DNAH9: variants seen among roughly 807,000 people sequenced by gnomAD.
The protein encoded by DNAH9 is dynein axonemal heavy chain 9.
Under a neutral mutation model 471.6 loss-of-function variants are expected in DNAH9, and 345 were observed. The observed-to-expected ratio is 0.73, with a 90% CI of 0.67 to 0.80. The LOEUF (loss-of-function observed/expected upper bound fraction) is 0.80. Ranked by LOEUF, DNAH9 falls within the 30% of genes least tolerant of loss-of-function variation. The pLI, the probability that DNAH9 is intolerant of heterozygous loss-of-function variation, is 0.00. For missense variants in DNAH9, 5,407 were observed against 5,609.2 expected, an observed-to-expected ratio of 0.96 and a Z score of 1.15; for synonymous variants, 2,093 against 2,123.6, an observed-to-expected ratio of 0.99 and a Z score of 0.40.
intron 48 of DNAH9, among the ~76,000 whole-genome samples, chr17:11,829,447 AACTT>A (rs1436642199): frequency 6.6e-6 from 1 of 152,108 alleles, no homozygotes; most frequent in Non-Finnish European, 1.5e-5. Context: ...AAAGTTCACA[AACTT>A]ATTTATTTAC....
chr17:11,611,128 A>T (rs140323153), intron 3 of DNAH9, among the ~76,000 whole-genome samples: 1 of 152,220 alleles, frequency 6.6e-6, no homozygotes, highest in East Asian at 1.9e-4. Context: ...CGTGCTGATA[A>T]ATCCTTTACT....
At chr17:11,810,437 A>T (rs1969853211) in intron 45 of DNAH9, 68 bp downstream of exon 45, 1 of 1,554,578 alleles carries the variant, frequency 6.4e-7, no homozygotes, top group Admixed American at 1.9e-5. Context: ...ACAAAGGTGA[A>T]GATTTCGTCC....
chr17:11,846,963 G>T (rs1859187757), intron 49 of DNAH9, among the ~76,000 whole-genome samples: 2 of 150,642 alleles, frequency 1.3e-5, no homozygotes, highest in African/African-American at 4.9e-5. Flanking sequence ...GGGACAATTT[G>T]ACTTCCTCTT....
intron 25 of DNAH9, 136 bp downstream of exon 25, chr17:11,704,578 C>A: frequency 4.0e-6 from 3 of 746,158 alleles, no homozygotes; most frequent in Non-Finnish European, 6.2e-6. Context: ...AGTGGCTGCT[C>A]CTACTTTTTT....
chr17:11,910,851 A>G (rs923207758), intron 61 of DNAH9, among the ~76,000 whole-genome samples: 1 of 152,172 alleles, frequency 6.6e-6, no homozygotes, highest in African/African-American at 2.4e-5. Flanking sequence ...TATTTGGAGA[A>G]ATGTCTATTC....
chr17:11,876,891 C>T (rs978332216), intron 53 of DNAH9, among the ~76,000 whole-genome samples: 1 of 151,456 alleles, frequency 6.6e-6, no homozygotes, highest in African/African-American at 2.4e-5. Context: ...ACCCGGCTAA[C>T]TTTTTTTTGT....
chr17:11,751,494 G>A (rs1342212637), intron 32 of DNAH9, among the ~76,000 whole-genome samples: 1 of 151,936 alleles, frequency 6.6e-6, no homozygotes, highest in African/African-American at 2.4e-5. Context: ...AACTAAAGGG[G>A]AAAATCATTT....
chr17:11,878,029 C>T (rs533534429), intron 53 of DNAH9, among the ~76,000 whole-genome samples: 37 of 152,238 alleles, frequency 2.4e-4, no homozygotes, highest in East Asian at 1.9e-3. Context: ...CCACCGCGCC[C>T]GGCCAATATG....
chr17:11,714,649 A>G (rs1414307591), intron 26 of DNAH9, among the ~76,000 whole-genome samples: 1 of 152,184 alleles, frequency 6.6e-6, no homozygotes, highest in African/African-American at 2.4e-5. Context: ...AAGGAAAATT[A>G]TTTAGGTAGA....
At chr17:11,958,270 G>T (rs918430056) in intron 67 of DNAH9, among the ~76,000 whole-genome samples, 1 of 152,184 alleles carries the variant, frequency 6.6e-6, no homozygotes, top group Non-Finnish European at 1.5e-5. Flanking sequence ...AGGATGGCAT[G>T]AGTAGGTCAA....
chr17:11,647,166 A>G lies in DNAH9; in HGVS notation c.2065A>G (p.Thr689Ala), dbSNP rs1487163916. 5.0e-6 allele frequency: 8 copies of G among 1,613,918 alleles called. No individual in the cohort carries two copies. Among genetic ancestry groups the G allele is most frequent in the Non-Finnish European group, 6.8e-6 (8 of 1,179,952 alleles). The stretch of plus-strand genomic sequence containing the variant: ...ACCACTTCTAAAACGTGACCCAGAG[A>G]CGAAGGAGATCACTATCAACTTTAA... ...SQPLLKRDPE[T>A]KEITINFNPQ... Residue 689 changes from threonine (T) to alanine (A), a missense_variant, in exon 12 of 69, where the codon ACG (threonine) becomes GCG (alanine). This residue lies in a region of DNAH9 where 4,636 missense variants were observed against 4,900.3 expected (regional missense o/e 0.95). Transcript: ENST00000262442.
chr17:11,751,607 C>G (rs1036447131), intron 32 of DNAH9, among the ~76,000 whole-genome samples: 1 of 151,764 alleles, frequency 6.6e-6, no homozygotes, highest in Admixed American at 6.6e-5. Context: ...TGCTCTGTAC[C>G]TAAAGCTGAA....
At chr17:11,856,716 A>G (rs996951971) in intron 50 of DNAH9, among the ~76,000 whole-genome samples, 3 of 151,936 alleles carry the variant, frequency 2.0e-5, no homozygotes, top group African/African-American at 7.3e-5. Context: ...AGAAAAAAAA[A>G]AAGAACTTTG....
At chr17:11,606,599 G>T (rs1489971511) in intron 1 of DNAH9, among the ~76,000 whole-genome samples, 1 of 135,968 alleles carries the variant, frequency 7.4e-6, no homozygotes, top group Non-Finnish European at 1.6e-5. Flanking sequence ...ACAGGCACGT[G>T]CCACCACACT....
intron 45 of DNAH9, among the ~76,000 whole-genome samples, chr17:11,819,868 A>G (rs1056130102): frequency 1.5e-4 from 23 of 152,220 alleles, no homozygotes; most frequent in African/African-American, 5.5e-4. Context: ...TAGATTTTCT[A>G]TGTAGAAAAT....
chr17:11,961,310 GT>G (rs751977505), intron 67 of DNAH9, among the ~76,000 whole-genome samples: 1 of 152,044 alleles, frequency 6.6e-6, no homozygotes, highest in Non-Finnish European at 1.5e-5. Flanking sequence ...GTGAGACTCC[GT>G]CTCCAAAAAT....
At chr17:11,822,088 A>G in intron 46 of DNAH9, 26 bp downstream of exon 46, 1 of 1,599,658 alleles carries the variant, frequency 6.3e-7, no homozygotes, top group East Asian at 2.2e-5. Context: ...TGACAGGGGC[A>G]GGCAGAGACC....
At chr17:11,803,470 T>C (rs1331661633) in intron 43 of DNAH9, among the ~76,000 whole-genome samples, 1 of 152,228 alleles carries the variant, frequency 6.6e-6, no homozygotes, top group African/African-American at 2.4e-5. Context: ...ATGGTGCATC[T>C]TCAGCTTTTG....
At chr17:11,811,314 A>AT (rs1426004178) in intron 45 of DNAH9, among the ~76,000 whole-genome samples, 1 of 151,906 alleles carries the variant, frequency 6.6e-6, no homozygotes, top group Non-Finnish European at 1.5e-5. Flanking sequence ...CTCCGTCTCA[A>AT]TTTAAAAAAA....
Sources: allele counts gnomAD v4.1 joint callset (sites outside exome capture counted in the v4.1 genomes callset), GRCh38; gene constraint gnomAD v4.1.1; regional missense constraint gnomAD v4.1.1; transcripts MANE v1.5; gene names NCBI Gene and HGNC (gene_info 2026-07-23, HGNC 2026-07-21).